Variants in ACVR1 observed in about 807,000 individuals in gnomAD.
The protein encoded by ACVR1 is activin A receptor type 1.
In ACVR1, 38 loss-of-function variants were observed where a neutral mutation model predicts 57.1. That is an observed-to-expected ratio of 0.67 (90% CI 0.51 to 0.87). ACVR1 has a LOEUF of 0.87. Ranked by LOEUF, ACVR1 falls within the 40% of genes least tolerant of loss-of-function variation. ACVR1 has a pLI of 0.00. For synonymous variants in ACVR1, 212 were observed against 228.1 expected (o/e 0.93, Z 0.63); for missense variants, 463 against 638.2 (o/e 0.73, Z 2.96).
intron 1 of ACVR1, among the ~76,000 whole-genome samples, chr2:157,840,832 A>C (rs552891308): frequency 6.6e-6 from 1 of 152,374 alleles, no homozygotes; most frequent in African/African-American, 2.4e-5. Context: ...CACATCCTGC[A>C]GCCGTCCACT....
At chr2:157,871,826 A>G (rs1283593774) in intron 1 of ACVR1, among the ~76,000 whole-genome samples, 2 of 152,220 alleles carry the variant, frequency 1.3e-5, no homozygotes, top group Non-Finnish European at 2.9e-5. Context: ...AAGCTGCCGA[A>G]TATCTTATTA....
chr2:157,755,567 C>A (rs1159672216), intron 9 of ACVR1, among the ~76,000 whole-genome samples: 1 of 151,456 alleles, frequency 6.6e-6, no homozygotes, highest in Non-Finnish European at 1.5e-5. Flanking sequence ...CCATACCATA[C>A]CGTACCATAC....
At chr2:157,741,888 A>AT (rs1684786809) in intron 9 of ACVR1, among the ~76,000 whole-genome samples, 1 of 152,112 alleles carries the variant, frequency 6.6e-6, no homozygotes. Context: ...CATGGGCAGA[A>AT]TAGAAAGGTC....
chr2:157,867,678 T>C (rs1333902123), intron 1 of ACVR1, among the ~76,000 whole-genome samples: 5 of 11,198 alleles, frequency 4.5e-4, no homozygotes, highest in Non-Finnish European at 2.4e-3. Flanking sequence ...TTAGCAACCA[T>C]GTTTTTTTTT....
chr2:157,866,671 A>T (rs6437117), intron 1 of ACVR1, among the ~76,000 whole-genome samples: 38,981 of 152,062 alleles, frequency 0.26, 6,635 homozygotes, highest in African/African-American at 0.48. Context: ...CAGACATAAG[A>T]TACAGGTGTC....
At chr2:157,783,674 A>G (rs1181654599) in intron 3 of ACVR1, among the ~76,000 whole-genome samples, 1 of 152,194 alleles carries the variant, frequency 6.6e-6, no homozygotes, top group Non-Finnish European at 1.5e-5. Context: ...AATGATACGT[A>G]ATAATTAACT....
At chr2:157,861,359 G>A (rs1014199012) in intron 1 of ACVR1, among the ~76,000 whole-genome samples, 3 of 152,184 alleles carry the variant, frequency 2.0e-5, no homozygotes, top group Admixed American at 6.5e-5. Flanking sequence ...TGAAGGAGAC[G>A]TTCAGAAAAT....
At chr2:157,843,785 G>A (rs1689047208) in intron 1 of ACVR1, among the ~76,000 whole-genome samples, 1 of 152,132 alleles carries the variant, frequency 6.6e-6, no homozygotes, top group African/African-American at 2.4e-5. Context: ...AGGATTCATG[G>A]ATATAGTAAA....
At chr2:157,844,863 GC>G (rs1294011679) in intron 1 of ACVR1, among the ~76,000 whole-genome samples, 1 of 151,880 alleles carries the variant, frequency 6.6e-6, no homozygotes, top group East Asian at 1.9e-4. Flanking sequence ...AGCTCCCTGG[GC>G]CCCCCCTTCC....
chr2:157,853,348 T>C (rs1438988436), intron 1 of ACVR1, among the ~76,000 whole-genome samples: 1 of 152,168 alleles, frequency 6.6e-6, no homozygotes, highest in Non-Finnish European at 1.5e-5. Flanking sequence ...CTTCTTGCTG[T>C]GTCCTCATGT....
At chr2:157,836,372 C>T (rs1042353803) in intron 1 of ACVR1, among the ~76,000 whole-genome samples, 4 of 152,108 alleles carry the variant, frequency 2.6e-5, no homozygotes, top group Admixed American at 1.3e-4. Context: ...GTGAGAAGTC[C>T]GCAGCCAGGA....
intron 3 of ACVR1, among the ~76,000 whole-genome samples, chr2:157,792,555 A>G (rs1686957317): frequency 6.6e-6 from 1 of 152,222 alleles, no homozygotes; most frequent in Non-Finnish European, 1.5e-5. Flanking sequence ...GAGCTGTCAC[A>G]TGAGGGCAGT....
intron 1 of ACVR1, among the ~76,000 whole-genome samples, chr2:157,844,791 A>AG (rs564966421): frequency 7.9e-5 from 12 of 152,054 alleles, no homozygotes; most frequent in African/African-American, 2.9e-4. Context: ...TAGTATTAAG[A>AG]GGGGGGGAGC....
At chr2:157,839,962 T>C (rs897079964) in intron 1 of ACVR1, among the ~76,000 whole-genome samples, 2 of 152,154 alleles carry the variant, frequency 1.3e-5, no homozygotes, top group African/African-American at 4.8e-5. Context: ...CCCCTCCTAT[T>C]CTGCATGCTG....
chr2:157,840,749 G>A (rs559503887), intron 1 of ACVR1, among the ~76,000 whole-genome samples: 94 of 152,390 alleles, frequency 6.2e-4, no homozygotes, highest in African/African-American at 2.2e-3. Flanking sequence ...GGGAGCACCT[G>A]CTCTCCGGCT....
chr2:157,801,914 C>G (rs1408879385), intron 2 of ACVR1, among the ~76,000 whole-genome samples: 1 of 152,114 alleles, frequency 6.6e-6, no homozygotes, highest in Non-Finnish European at 1.5e-5. Flanking sequence ...TACTCAAAAC[C>G]TACTATGTGC....
Position 157,844,454 on chromosome 2 carries a change from T to C in ACVR1, c.-182-25895A>G, listed in dbSNP as rs545308061. On this transcript the variant is annotated intron_variant, in intron 1 of 10. Transcript: ENST00000434821. ...ACTTAAGGTTCCAGGGAATCAAAAG[T>C]GGTTAGTTACTCCACACCAAAAGTA... 2.7e-3 allele frequency among the ~76,000 whole-genome samples: 409 copies of C among 152,134 alleles called. 1 individual carries two copies. Among genetic ancestry groups the C allele is most frequent in the African/African-American group, 9.1e-3 (378 of 41,502 alleles).
At chr2:157,824,570 C>A (rs13414656) in intron 1 of ACVR1, among the ~76,000 whole-genome samples, 5,447 of 152,248 alleles carry the variant, frequency 0.036, 329 homozygotes, top group African/African-American at 0.12. Flanking sequence ...AATACTCATT[C>A]TTCCACTGGT....
intron 8 of ACVR1, among the ~76,000 whole-genome samples, chr2:157,764,774 C>T (rs563525886): frequency 2.0e-5 from 3 of 152,284 alleles, no homozygotes; most frequent in Non-Finnish European, 2.9e-5. Flanking sequence ...AAGTCCTCTA[C>T]ACCACAACTA....
Sources: allele counts gnomAD v4.1 joint callset (sites outside exome capture counted in the v4.1 genomes callset), GRCh38; gene constraint gnomAD v4.1.1; transcripts MANE v1.5; gene names NCBI Gene and HGNC (gene_info 2026-07-23, HGNC 2026-07-21).